KNSTRN: variants seen among roughly 807,000 people sequenced by gnomAD.
KNSTRN encodes kinetochore localized astrin (SPAG5) binding protein.
KNSTRN carries 38 observed loss-of-function variants against 44.7 expected under a neutral mutation model. The ratio of observed to expected loss-of-function variants is 0.85; its 90% CI spans 0.66 to 1.11. The LOEUF (loss-of-function observed/expected upper bound fraction) is 1.11. KNSTRN is among the 50% of genes most tolerant of loss of function. KNSTRN has a pLI of 0.00. For synonymous variants in KNSTRN, 158 were observed against 148.1 expected, an observed-to-expected ratio of 1.07 and a Z score of -0.48; for missense variants, 406 against 375.8, an observed-to-expected ratio of 1.08 and a Z score of -0.66.
At chr15:40,391,928 T>C in intron 7 of KNSTRN, 21 bp from the exon 8 acceptor site, 5 of 1,593,134 alleles carry the variant, frequency 3.1e-6, no homozygotes, top group East Asian at 2.2e-5. Context: ...ATTTGTTTAC[T>C]ACATTGTGCT....
At chr15:40,393,194 T>G (rs1890031397) in intron 8 of KNSTRN, 1 of 1,613,876 alleles carries the variant, frequency 6.2e-7, no homozygotes, top group Non-Finnish European at 8.5e-7. Context: ...CTGTTTCAGA[T>G]TGCTTGGATG....
rs1368982795 is a variant in KNSTRN, at chr15:40,389,633, T to C, written c.591+22T>C. 4 of 1,551,596 alleles carry C rather than the reference T, an allele frequency of 2.6e-6. No individual in the cohort carries two copies. The Admixed American group carries it at 5.0e-5, about 19-fold the overall frequency. ...TCAGGTAAGAGACCCACCAGAGCTC[T>C]GTTACCAGCTGCCACTGGGCGATCC... On this transcript the variant is annotated intron_variant, in intron 5 of 8. Coordinates refer to ENST00000249776, the MANE Select transcript of KNSTRN (RefSeq NM_033286.4).
At chr15:40,384,635 A>C (rs1291248636) in intron 2 of KNSTRN, 3 of 343,590 alleles carry the variant, frequency 8.7e-6, no homozygotes, top group African/African-American at 4.3e-5. Flanking sequence ...TCTCTGTCCC[A>C]GCTTTATGAT....
intron 3 of KNSTRN, chr15:40,386,717 C>G (rs1889908879): frequency 1.8e-6 from 1 of 559,410 alleles, no homozygotes; most frequent in African/African-American, 1.9e-5. Flanking sequence ...TTTCCTCTTT[C>G]ATCGCTTGCT....
rs1207813774 is a variant in KNSTRN, at chr15:40,393,810, C to T, written c.*213C>T. ...CAGGTTGGTCAGCCCTCCTGAGCCT[C>T]ACAGGTGGATAATTGAGGCCTACAA... On this transcript the variant is annotated 3_prime_UTR_variant, in exon 9 of 9. Transcript: ENST00000249776. The T allele has an allele frequency of 2.5e-6, 1 of 394,478 alleles. No homozygotes were observed. The highest frequency in any genetic ancestry group is 4.6e-6 in the Non-Finnish European group (1 of 217,572). The allele number at this position is 394,478 out of a possible 1,614,324, so 24.4% of individuals were successfully genotyped here.
chr15:40,391,337 C>T (rs1303235737), intron 6 of KNSTRN, among the ~76,000 whole-genome samples, 156 bp from the exon 7 acceptor site: 1 of 152,176 alleles, frequency 6.6e-6, no homozygotes, highest in Non-Finnish European at 1.5e-5. Context: ...ATGGGTGACC[C>T]TGCCAAGGTG....
intron 2 of KNSTRN, among the ~76,000 whole-genome samples, chr15:40,385,100 T>C (rs1889881259): frequency 6.6e-6 from 1 of 152,230 alleles, no homozygotes; most frequent in South Asian, 2.1e-4. Context: ...TAATACTTCA[T>C]TTGTACTGCA....
In KNSTRN at chr15:40,386,485, G is replaced by T; in HGVS notation, c.428G>T (p.Arg143Leu). Residue 143 changes from arginine to leucine, a missense_variant, in exon 3 of 9, where the codon CGA becomes CTA. Coordinates refer to ENST00000249776, the MANE Select transcript of KNSTRN (RefSeq NM_033286.4). ...GTTACAAAAATCACCAAACTGAGAC[G>T]AGAGAATGGGTGAGAACGGATCATT... ...NDVTKITKLR[R>L]ENGQMKATDT... 1 of 1,614,066 alleles carries T rather than the reference G, an allele frequency of 6.2e-7. No individual in the cohort carries two copies. The highest frequency in any genetic ancestry group is 8.5e-7 in the Non-Finnish European group (1 of 1,179,958).
At chr15:40,384,590 A>T in intron 2 of KNSTRN, 1 of 427,766 alleles carries the variant, frequency 2.3e-6, no homozygotes, top group East Asian at 7.4e-5. Flanking sequence ...TAGCTCTCTC[A>T]GCCAAGTTGG....
intron 6 of KNSTRN, 123 bp downstream of exon 6, chr15:40,390,052 C>T (rs921908633): frequency 8.2e-6 from 6 of 728,996 alleles, no homozygotes; most frequent in Non-Finnish European, 1.4e-5. Flanking sequence ...TCATAAAGCC[C>T]TAAAGATTTT....
intron 2 of KNSTRN, chr15:40,384,678 G>T (rs1466029850): frequency 5.0e-5 from 13 of 258,092 alleles, no homozygotes; most frequent in South Asian, 4.2e-4. Flanking sequence ...AAATTTTTAG[G>T]CTGCCTCCCA....
chr15:40,387,918 G>A (rs1889929529), intron 4 of KNSTRN, among the ~76,000 whole-genome samples: 1 of 152,188 alleles, frequency 6.6e-6, no homozygotes, highest in Admixed American at 6.5e-5. Flanking sequence ...TGAGGCAGGA[G>A]GATCACTTCA....
In KNSTRN at chr15:40,382,954, C is replaced by A. The variant is rs7164132; in HGVS notation, c.119C>A (p.Ala40Glu). 179,667 of 1,612,104 alleles carry A rather than the reference C, an allele frequency of 0.11. 11,006 individuals carry two copies. The highest frequency in any genetic ancestry group is 0.13 in the Non-Finnish European group (150,798 of 1,179,934). Residue 40 changes from alanine (A) to glutamate (E), a missense_variant, in exon 1 of 9, where the codon GCG becomes GAG. Physicochemically the swap from Ala to Glu is moderately radical, Grantham distance 107. Coordinates refer to ENST00000249776, the MANE Select transcript of KNSTRN (RefSeq NM_033286.4). ...SYRKFLFETQ[A>E]ADLAGGTTVA... ...CGGAAGTTTCTATTTGAAACCCAGGCGGCCGACTTAGCCGGTGGCACGACA... is the reference window on the plus strand; with the variant it reads ...CGGAAGTTTCTATTTGAAACCCAGGAGGCCGACTTAGCCGGTGGCACGACA...
chr15:40,391,483 T>C lies in KNSTRN; in HGVS notation c.686-10T>C, dbSNP rs751565947. 1 of 1,612,350 alleles carries C rather than the reference T, an allele frequency of 6.2e-7. No homozygotes were observed. Among genetic ancestry groups the C allele is most frequent in the Admixed American group, 1.7e-5 (1 of 59,992 alleles). On this transcript the variant is annotated splice_polypyrimidine_tract_variant and intron_variant, in intron 6 of 8. Transcript: ENST00000249776. The stretch of plus-strand genomic sequence containing the variant: ...TCCCTAAGTGAGATTGACTTTGTTG[T>C]ATCCATCAGCTTTAGGCAGTGAGAC...
At chr15:40,390,659 A>G (rs12916629) in intron 6 of KNSTRN, among the ~76,000 whole-genome samples, 89,419 of 151,628 alleles carry the variant, frequency 0.59, 26,738 homozygotes, top group East Asian at 0.71. Flanking sequence ...CCATTGCCCA[A>G]GCTGAAGTGC....
chr15:40,386,547 A>G (rs2141273278), intron 3 of KNSTRN, 53 bp downstream of exon 3: 2 of 1,583,514 alleles, frequency 1.3e-6, no homozygotes, highest in Middle Eastern at 1.7e-4. Context: ...AAATTGCTCA[A>G]TACAAAGAAT....
At chr15:40,393,223 C>T (rs757994708) in intron 8 of KNSTRN, 2 of 1,613,824 alleles carry the variant, frequency 1.2e-6, no homozygotes, top group Non-Finnish European at 1.7e-6. Context: ...GATATTGCAC[C>T]AAATGTAGAG....
chr15:40,384,549 A>G, intron 2 of KNSTRN: 1 of 453,380 alleles, frequency 2.2e-6, no homozygotes. Context: ...TTTCCCTTAG[A>G]TGCGGTGCCC....
rs965595487 is a variant in KNSTRN, at chr15:40,392,943, C to T, written c.823-526C>T. Among the ~76,000 whole-genome samples the T allele has an allele frequency of 9.2e-5, 14 of 152,054 alleles. No homozygotes were observed. The East Asian group carries it at 2.7e-3, about 29-fold the overall frequency. On this transcript the variant is annotated intron_variant, in intron 8 of 8. Coordinates refer to ENST00000249776, the MANE Select transcript of KNSTRN (RefSeq NM_033286.4). ...AATTTTTTAAAAAACAGACCAACATCAGTACATTACTATTAACTATATTCC... is the reference window on the plus strand; with the variant it reads ...AATTTTTTAAAAAACAGACCAACATTAGTACATTACTATTAACTATATTCC...
Sources: gnomAD v4.1 joint callset for allele counts (sites outside exome capture counted in the v4.1 genomes callset) on GRCh38, gnomAD v4.1.1 for gene constraint, MANE v1.5 for transcripts, NCBI Gene and HGNC (gene_info 2026-07-23, HGNC 2026-07-21) for gene names.